Variants in ATRNL1 observed in about 807,000 individuals in gnomAD.
ATRNL1 encodes attractin-like protein 1.
ATRNL1 carries 95 observed loss-of-function variants against 182.7 expected under a neutral mutation model. The observed-to-expected ratio is 0.52, with a 90% CI of 0.44 to 0.62. The LOEUF (loss-of-function observed/expected upper bound fraction) is 0.62. Ranked by LOEUF, ATRNL1 falls within the 20% of genes least tolerant of loss-of-function variation. ATRNL1 has a pLI of 0.00. For synonymous variants in ATRNL1, 576 were observed against 568.3 expected (o/e 1.01, Z -0.19); for missense variants, 1,471 against 1,679.5 (o/e 0.88, Z 2.17).
At chr10:115,438,000 C>T (rs1225280981) in intron 21 of ATRNL1, among the ~76,000 whole-genome samples, 1 of 151,848 alleles carries the variant, frequency 6.6e-6, no homozygotes, top group Non-Finnish European at 1.5e-5. Context: ...CCAAGATCTC[C>T]TTAAATGGTA....
chr10:115,417,665 C>T (rs907759578), intron 20 of ATRNL1, among the ~76,000 whole-genome samples: 1 of 152,164 alleles, frequency 6.6e-6, no homozygotes, highest in Non-Finnish European at 1.5e-5. Context: ...CTCACCTGTT[C>T]AGAGACCTCC....
At position 115,849,176 on chromosome 10, in the gene ATRNL1, C is replaced by G. The variant is rs143759526; in HGVS notation, c.4018+1185C>G. Among the ~76,000 whole-genome samples, 569 of 152,242 alleles carry G rather than the reference C, an allele frequency of 3.7e-3. 2 individuals are homozygous for G. The highest frequency in any genetic ancestry group is 5.6e-3 in the Non-Finnish European group (384 of 68,010). On this transcript the variant is annotated intron_variant, in intron 28 of 28. Transcript: ENST00000355044. ...ATTGCAGAAATTTCTATCCAAAGTT[C>G]ATTTATGGATGTTTATTCAAAGAAA...
intron 28 of ATRNL1, among the ~76,000 whole-genome samples, chr10:115,889,408 A>C (rs940492839): frequency 6.7e-6 from 1 of 149,656 alleles, no homozygotes; most frequent in Admixed American, 6.8e-5. Flanking sequence ...TGCTCACTGC[A>C]ACCTCAGCCT....
chr10:115,647,951 C>A (rs2133873441), intron 26 of ATRNL1, among the ~76,000 whole-genome samples: 1 of 152,186 alleles, frequency 6.6e-6, no homozygotes, highest in African/African-American at 2.4e-5. Flanking sequence ...AGTCTTTAAT[C>A]CATCTTGAAT....
intron 27 of ATRNL1, among the ~76,000 whole-genome samples, chr10:115,734,634 A>G (rs1023548836): frequency 3.3e-5 from 5 of 152,056 alleles, no homozygotes; most frequent in Non-Finnish European, 7.4e-5. Flanking sequence ...TTACTTCTAG[A>G]TCAAATATAT....
At chr10:115,501,574 A>G (rs1849841040) in intron 24 of ATRNL1, among the ~76,000 whole-genome samples, 1 of 152,208 alleles carries the variant, frequency 6.6e-6, no homozygotes, top group Non-Finnish European at 1.5e-5. Context: ...TGCACATTCC[A>G]TAGTTATATG....
chr10:115,247,482 A>G (rs782475913), intron 10 of ATRNL1, among the ~76,000 whole-genome samples: 47 of 152,226 alleles, frequency 3.1e-4, no homozygotes, highest in Non-Finnish European at 4.9e-4. Context: ...ATGAAGTATC[A>G]TCTCACGCCA....
chr10:115,621,121 C>G (rs1205964104), intron 26 of ATRNL1, among the ~76,000 whole-genome samples: 1 of 151,356 alleles, frequency 6.6e-6, no homozygotes, highest in Non-Finnish European at 1.5e-5. Context: ...TATTTTAATA[C>G]AAGCAAAAGA....
intron 26 of ATRNL1, among the ~76,000 whole-genome samples, chr10:115,553,944 A>C (rs1480175169): frequency 6.6e-6 from 1 of 151,498 alleles, no homozygotes; most frequent in Non-Finnish European, 1.5e-5. Flanking sequence ...TAGACACTAA[A>C]TATATTTACA....
At chr10:115,189,602 G>A (rs1420454466) in intron 8 of ATRNL1, among the ~76,000 whole-genome samples, 1 of 151,816 alleles carries the variant, frequency 6.6e-6, no homozygotes, top group African/African-American at 2.4e-5. Flanking sequence ...TATATAATAA[G>A]GATTTAAGGA....
intron 24 of ATRNL1, among the ~76,000 whole-genome samples, chr10:115,473,199 T>G (rs1848383809): frequency 6.6e-6 from 1 of 151,338 alleles, no homozygotes. Flanking sequence ...TCCCACTTGA[T>G]CATGTTTTAT....
chr10:115,875,142 A>C (rs951887067), intron 28 of ATRNL1, among the ~76,000 whole-genome samples: 3 of 152,204 alleles, frequency 2.0e-5, no homozygotes, highest in African/African-American at 7.2e-5. Flanking sequence ...ATCATTTATT[A>C]TTTTGTGCAT....
intron 19 of ATRNL1, among the ~76,000 whole-genome samples, chr10:115,343,768 T>C (rs1220889474): frequency 6.6e-6 from 1 of 152,116 alleles, no homozygotes; most frequent in Non-Finnish European, 1.5e-5. Context: ...GTACCTGTCC[T>C]CCTTGGGAAG....
chr10:115,565,951 G>A (rs1296849719), intron 26 of ATRNL1, among the ~76,000 whole-genome samples: 3 of 152,038 alleles, frequency 2.0e-5, no homozygotes, highest in Non-Finnish European at 1.5e-5. Flanking sequence ...AAAAGTGTTA[G>A]CTTCTTATTT....
chr10:115,290,659 C>G (rs575363668), intron 15 of ATRNL1, among the ~76,000 whole-genome samples: 2 of 151,940 alleles, frequency 1.3e-5, no homozygotes, highest in Non-Finnish European at 2.9e-5. Flanking sequence ...TGCAGCCCCC[C>G]ACCCCCGTCC....
chr10:115,127,117 A>T (rs1367303874), intron 3 of ATRNL1, among the ~76,000 whole-genome samples: 1 of 152,170 alleles, frequency 6.6e-6, no homozygotes, highest in Admixed American at 6.5e-5. Flanking sequence ...AATGTATTGG[A>T]AATGTACAGC....
At chr10:115,635,993 G>T (rs1858844845) in intron 26 of ATRNL1, among the ~76,000 whole-genome samples, 1 of 152,120 alleles carries the variant, frequency 6.6e-6, no homozygotes, top group Admixed American at 6.6e-5. Flanking sequence ...CCCCATGTGA[G>T]GAGTGGTCTT....
At chr10:115,359,463 C>G (rs1486935918) in intron 19 of ATRNL1, among the ~76,000 whole-genome samples, 2 of 151,416 alleles carry the variant, frequency 1.3e-5, no homozygotes, top group Non-Finnish European at 1.5e-5. Context: ...AAGTAGCTTC[C>G]TGTTTTTAAA....
At chr10:115,927,250 A>T (rs1291860532) in intron 28 of ATRNL1, among the ~76,000 whole-genome samples, 1 of 152,168 alleles carries the variant, frequency 6.6e-6, no homozygotes, top group Non-Finnish European at 1.5e-5. Flanking sequence ...TATTGATGGA[A>T]CATATCTCAA....
Sources: allele counts gnomAD v4.1 joint callset (sites outside exome capture counted in the v4.1 genomes callset), GRCh38; gene constraint gnomAD v4.1.1; transcripts MANE v1.5; gene names NCBI Gene and HGNC (gene_info 2026-07-23, HGNC 2026-07-21).